The following EPHA7 variants were observed in gnomAD, a reference collection of about 807,000 sequenced individuals.
EPHA7 encodes the protein EPH receptor A7, also known as ephrin type-A receptor 7.
A neutral mutation model predicts 112.6 loss-of-function variants in EPHA7; 25 were observed. The observed-to-expected ratio is 0.22, with a 90% CI of 0.16 to 0.31. The LOEUF (loss-of-function observed/expected upper bound fraction) is 0.31, where lower values mean the gene tolerates loss of function less well. Ranked by LOEUF, EPHA7 falls within the 10% of genes least tolerant of loss-of-function variation. EPHA7 has a pLI of 1.00. For synonymous variants in EPHA7, 437 were observed against 406.5 expected (o/e 1.07, Z -0.90); for missense variants, 962 against 1,212.6 (o/e 0.79, Z 3.07).
intron 5 of EPHA7, among the ~76,000 whole-genome samples, chr6:93,336,644 G>C (rs529663754): frequency 2.0e-5 from 3 of 152,032 alleles, no homozygotes; most frequent in Non-Finnish European, 2.9e-5. Flanking sequence ...CTTGTGATCT[G>C]CCCGCCTTGG....
chr6:93,299,062 CA>C (rs1243808187), intron 5 of EPHA7, among the ~76,000 whole-genome samples: 1 of 151,932 alleles, frequency 6.6e-6, no homozygotes, highest in Non-Finnish European at 1.5e-5. Flanking sequence ...CGCGGTGGCT[CA>C]AGCCTGTAAT....
At chr6:93,255,591 G>A (rs1449337761) in intron 13 of EPHA7, among the ~76,000 whole-genome samples, 4 of 152,038 alleles carry the variant, frequency 2.6e-5, no homozygotes, top group Admixed American at 2.6e-4. Flanking sequence ...TATATTCTAT[G>A]ACTCTCCCAA....
intron 5 of EPHA7, among the ~76,000 whole-genome samples, chr6:93,291,551 G>C (rs1474594517): frequency 6.6e-6 from 1 of 151,352 alleles, no homozygotes; most frequent in Non-Finnish European, 1.5e-5. Flanking sequence ...GGCGGATCAC[G>C]AGGTCAGGAG....
At chr6:93,264,881 A>G (rs963701514) in intron 7 of EPHA7, among the ~76,000 whole-genome samples, 179 bp from the exon 8 acceptor site, 1 of 151,704 alleles carries the variant, frequency 6.6e-6, no homozygotes, top group South Asian at 2.1e-4. Context: ...ACTTGTAAGG[A>G]CAATACTTTC....
intron 5 of EPHA7, among the ~76,000 whole-genome samples, chr6:93,347,989 G>A (rs561627907): frequency 5.3e-5 from 8 of 151,864 alleles, no homozygotes; most frequent in South Asian, 2.1e-4. Context: ...AATATGAGAC[G>A]CAACTTAAAA....
intron 3 of EPHA7, among the ~76,000 whole-genome samples, chr6:93,402,264 C>A (rs1475995873): frequency 6.6e-6 from 1 of 151,842 alleles, no homozygotes; most frequent in Non-Finnish European, 1.5e-5. Flanking sequence ...ATTGTGAGAA[C>A]AAAGATGACT....
intron 5 of EPHA7, among the ~76,000 whole-genome samples, chr6:93,333,732 A>C (rs552685827): frequency 2.0e-5 from 3 of 151,920 alleles, no homozygotes; most frequent in Admixed American, 2.0e-4. Flanking sequence ...TTAATACTGC[A>C]AACTAGACAG....
intron 3 of EPHA7, among the ~76,000 whole-genome samples, chr6:93,407,637 T>A (rs1254584835): frequency 6.6e-6 from 1 of 152,080 alleles, no homozygotes; most frequent in African/African-American, 2.4e-5. Context: ...CCTTTAACCG[T>A]GTATTTTTAT....
intron 3 of EPHA7, among the ~76,000 whole-genome samples, chr6:93,390,417 T>C (rs1380028826): frequency 2.0e-5 from 3 of 151,822 alleles, no homozygotes; most frequent in African/African-American, 7.2e-5. Flanking sequence ...CACATTAAGA[T>C]AAATTTTAAA....
At chr6:93,289,267 C>G (rs2127833883) in intron 5 of EPHA7, among the ~76,000 whole-genome samples, 1 of 152,076 alleles carries the variant, frequency 6.6e-6, no homozygotes, top group East Asian at 1.9e-4. Context: ...GACAGAGAAG[C>G]AAATTAGTGA....
chr6:93,378,966 T>C (rs576617976), intron 3 of EPHA7, among the ~76,000 whole-genome samples: 3 of 152,280 alleles, frequency 2.0e-5, no homozygotes, highest in South Asian at 4.1e-4. Context: ...CATAAATGTA[T>C]ACATTTTATT....
intron 9 of EPHA7, among the ~76,000 whole-genome samples, chr6:93,260,057 T>A (rs1483439637): frequency 6.6e-6 from 1 of 151,954 alleles, no homozygotes; most frequent in East Asian, 1.9e-4. Flanking sequence ...CAAAGAGATA[T>A]CTTCTAAAGA....
At position 93,414,709 on chromosome 6, in the gene EPHA7, G is replaced by A. The variant is rs759553512; in HGVS notation, c.156C>T (p.Pro52=). ...QTELEWISSP[P]NGWEEISGLD... Reference sequence around the variant, plus strand: ...TATGATGAAAAAAACTTACCCCATTGGGTGGAGAGGAAATCCACTCCAACT... The same window carrying A: ...TATGATGAAAAAAACTTACCCCATTAGGTGGAGAGGAAATCCACTCCAACT... Residue 52 remains proline, a synonymous_variant, in exon 2 of 17, where the codon CCC becomes CCT. Coordinates refer to ENST00000369303, the MANE Select transcript of EPHA7 (RefSeq NM_004440.4). 5 of 1,611,596 alleles carry A rather than the reference G, an allele frequency of 3.1e-6. No homozygotes were observed. In the South Asian group the frequency reaches 5.5e-5, roughly 18 times the overall value.
At chr6:93,355,831 T>C (rs1032317062) in intron 5 of EPHA7, among the ~76,000 whole-genome samples, 2 of 152,216 alleles carry the variant, frequency 1.3e-5, no homozygotes, top group Admixed American at 6.5e-5. Context: ...ACTATTATCA[T>C]GGTTATGCCA....
intron 14 of EPHA7, among the ~76,000 whole-genome samples, chr6:93,254,222 A>C (rs1335712365): frequency 6.6e-6 from 1 of 152,154 alleles, no homozygotes; most frequent in Non-Finnish European, 1.5e-5. Flanking sequence ...TCAACAGTAG[A>C]TAATTTAAAG....
chr6:93,262,059 G>T (rs1447258104), intron 9 of EPHA7, among the ~76,000 whole-genome samples: 2 of 151,420 alleles, frequency 1.3e-5, no homozygotes, highest in Admixed American at 6.6e-5. Context: ...AAATAATTGT[G>T]CCATTAAATT....
chr6:93,347,797 A>T (rs1383010996), intron 5 of EPHA7, among the ~76,000 whole-genome samples: 1 of 151,724 alleles, frequency 6.6e-6, no homozygotes, highest in Non-Finnish European at 1.5e-5. Context: ...ATACAGTTAC[A>T]TTGGGGGTTA....
In EPHA7 at chr6:93,410,880, T is replaced by G. The variant is rs1256387574; in HGVS notation, c.453A>C (p.Ala151=). 1.2e-6 allele frequency: 2 copies of G among 1,613,972 alleles called. No individual in the cohort carries two copies. The highest frequency in any genetic ancestry group is 1.7e-6 in the Non-Finnish European group (2 of 1,179,978). The change falls in exon 3 of 17, where the codon GCA becomes GCC. Residue 151 remains alanine (A), a synonymous_variant. Coordinates refer to ENST00000369303, the MANE Select transcript of EPHA7 (RefSeq NM_004440.4). This position sits in a 1 kb window ranked among gnomAD's most constrained non-coding sequence, Gnocchi z 4.0. ...GGTCACCTTGGGTAAAACTTTCATC[T>G]GCAGCAATGGTGTCTATTTTTACAT... ...NLYVKIDTIA[A]DESFTQGDLG...
intron 5 of EPHA7, among the ~76,000 whole-genome samples, chr6:93,313,185 G>T (rs370828521): frequency 6.6e-6 from 1 of 152,098 alleles, no homozygotes; most frequent in Non-Finnish European, 1.5e-5. Context: ...TAAAAAATGC[G>T]ATATCTGCAA....
Sources: gnomAD v4.1 joint callset for allele counts (sites outside exome capture counted in the v4.1 genomes callset) on GRCh38, gnomAD v4.1.1 for gene constraint, Gnocchi (gnomAD v3.1) non-coding constraint, MANE v1.5 for transcripts, NCBI Gene and HGNC (gene_info 2026-07-23, HGNC 2026-07-21) for gene names.